Variants in TNRC6B observed in about 807,000 individuals in gnomAD.
TNRC6B encodes the protein trinucleotide repeat-containing gene 6B protein.
A neutral mutation model predicts 203.6 loss-of-function variants in TNRC6B; 52 were observed. That is an observed-to-expected ratio of 0.26 (90% CI 0.20 to 0.32). The LOEUF is 0.32. Ranked by LOEUF, TNRC6B falls within the 10% of genes least tolerant of loss-of-function variation. The probability of loss-of-function intolerance (pLI) is 1.00; values close to 1 mark genes in which losing one functional copy is unlikely to be tolerated. For synonymous variants in TNRC6B, 838 were observed against 845.7 expected, an observed-to-expected ratio of 0.99 and a Z score of 0.16; for missense variants, 1,923 against 2,286.2, an observed-to-expected ratio of 0.84 and a Z score of 3.24.
intron 3 of TNRC6B, among the ~76,000 whole-genome samples, chr22:40,153,060 C>T (rs146113566): frequency 1.3e-5 from 2 of 152,094 alleles, no homozygotes; most frequent in East Asian, 3.9e-4. Flanking sequence ...AAGATCACAC[C>T]ACTTCTCTCC....
At chr22:40,263,332 CGTG>C (rs1235388583) in intron 4 of TNRC6B, among the ~76,000 whole-genome samples, 1 of 152,196 alleles carries the variant, frequency 6.6e-6, no homozygotes, top group Non-Finnish European at 1.5e-5. Flanking sequence ...AAAGAAACCT[CGTG>C]GTGACACAGA....
intron 1 of TNRC6B, among the ~76,000 whole-genome samples, chr22:40,226,049 G>A (rs1004044256): frequency 6.6e-6 from 1 of 152,146 alleles, no homozygotes; most frequent in African/African-American, 2.4e-5. Flanking sequence ...TATAATTTTA[G>A]TTGAAGAATT....
Position 40,262,838 on chromosome 22 carries a change from G to T in TNRC6B, c.457+665G>T, listed in dbSNP as rs11703939. ...GTGGATCACCAGGTCAGGAGATCGAGACCACCCTGGCTAACATGGTGAAAC... is the reference window on the plus strand; with the variant it reads ...GTGGATCACCAGGTCAGGAGATCGATACCACCCTGGCTAACATGGTGAAAC... On this transcript the variant is annotated intron_variant, in intron 4 of 22. Coordinates refer to ENST00000454349, the MANE Select transcript of TNRC6B (RefSeq NM_001162501.2). Among the ~76,000 whole-genome samples the T allele has an allele frequency of 2.0e-5, 3 of 152,182 alleles. No homozygotes were observed. The South Asian group carries it at 6.2e-4, about 32-fold the overall frequency.
intron 1 of TNRC6B, among the ~76,000 whole-genome samples, chr22:40,113,786 C>A: frequency 6.6e-6 from 1 of 152,208 alleles, no homozygotes; most frequent in East Asian, 1.9e-4. Flanking sequence ...AGTCTCCTGG[C>A]ATCCCCCCTT....
intron 12 of TNRC6B, among the ~76,000 whole-genome samples, chr22:40,286,300 G>A (rs766628220): frequency 3.3e-5 from 5 of 152,088 alleles, no homozygotes; most frequent in South Asian, 2.1e-4. Context: ...CCAACATGGC[G>A]AAACCCTGTT....
Position 40,059,819 on chromosome 22 carries a change from T to G in TNRC6B, c.-121+14821T>G, listed in dbSNP as rs567294027. ...CATTGGTCATGATAGAGTTTGGTTT[T>G]TTTTTTTTTTTTTTTTCCCCCCGAG... is the stretch of plus-strand genomic sequence containing the variant. On this transcript the variant is annotated intron_variant, in intron 1 of 23. Transcript: ENST00000301923. 2.3e-3 allele frequency among the ~76,000 whole-genome samples: 333 copies of G among 142,924 alleles called. 1 individual carries two copies. The highest frequency in any genetic ancestry group is 9.6e-3 in the African/African-American group (327 of 33,914). The allele number at this position is 142,924 out of a possible 152,430, so 93.8% of individuals were successfully genotyped here.
chr22:40,294,463 A>G (rs1307817925), intron 12 of TNRC6B, among the ~76,000 whole-genome samples: 3 of 152,190 alleles, frequency 2.0e-5, no homozygotes, highest in Non-Finnish European at 4.4e-5. Flanking sequence ...GGCCCACCCT[A>G]ATTCAGTATG....
chr22:40,140,453 C>A (rs1219123273), intron 3 of TNRC6B, among the ~76,000 whole-genome samples: 1 of 152,186 alleles, frequency 6.6e-6, no homozygotes, highest in East Asian at 1.9e-4. Context: ...CTGGAGCAAC[C>A]ATCTTAAAAC....
intron 3 of TNRC6B, among the ~76,000 whole-genome samples, chr22:40,253,975 C>G (rs2070232130): frequency 6.6e-6 from 1 of 152,092 alleles, no homozygotes; most frequent in South Asian, 2.1e-4. Flanking sequence ...GGTGCCAAGT[C>G]TCTGGTTGTG....
chr22:40,281,271 A>C lies in TNRC6B; in HGVS notation c.3564A>C (p.Gln1188His), dbSNP rs899595357. The C allele has an allele frequency of 1.3e-6, 2 of 1,546,046 alleles. No homozygotes were observed. The highest frequency in any genetic ancestry group is 2.7e-5 in the African/African-American group (2 of 72,800). ...LGAIGTGLNPQNFAARQGGSH... is the reference protein window; with the variant it reads ...LGAIGTGLNPHNFAARQGGSH... ...CAATCGGCACAGGGCTCAACCCCCA[A>C]AACTTCGCTGCTAGACAAGTAAGGA... The change falls in exon 11 of 23, where the codon CAA becomes CAC. Residue 1188 changes from glutamine to histidine, a missense_variant. By Grantham distance (24) the Gln-to-His change is conservative. Coordinates refer to ENST00000454349, the MANE Select transcript of TNRC6B (RefSeq NM_001162501.2).
chr22:40,261,936 G>T lies in TNRC6B; in HGVS notation c.220G>T (p.Ala74Ser), dbSNP rs2065017408. Residue 74 changes from alanine to serine, a missense_variant, in exon 4 of 23, where the codon GCA (alanine) becomes TCA (serine). By Grantham distance (99) the Ala-to-Ser change is moderately conservative. Transcript: ENST00000454349. ...TGGTGGCAACAATGCCAAAAGGGTG[G>T]CAGTGCCGAACGGACAACCGCCAAG... Reference protein sequence around the residue: ...VNGGNNAKRVAVPNGQPPSAA... With the variant: ...VNGGNNAKRVSVPNGQPPSAA... The T allele has an allele frequency of 3.7e-6, 6 of 1,612,514 alleles. No individual in the cohort carries two copies. The highest frequency in any genetic ancestry group is 1.7e-5 in the Admixed American group (1 of 59,998).
chr22:40,104,312 C>T (rs879923495), intron 1 of TNRC6B, among the ~76,000 whole-genome samples: 12 of 152,118 alleles, frequency 7.9e-5, no homozygotes, highest in Non-Finnish European at 1.6e-4. Context: ...AGCCTTATAA[C>T]AAGTAGACAG....
At chr22:40,208,111 C>CAAAAAAAAAAAAAAAAAAA (rs905832467) in intron 1 of TNRC6B, among the ~76,000 whole-genome samples, 18 of 74,896 alleles carry the variant, frequency 2.4e-4, no homozygotes, top group East Asian at 1.4e-3. Flanking sequence ...GACTCCATCT[C>CAAAAAAAAAAAAAAAAAAA]AAAAAAAAAA....
At chr22:40,147,092 T>A (rs1431387172) in intron 3 of TNRC6B, among the ~76,000 whole-genome samples, 2 of 152,214 alleles carry the variant, frequency 1.3e-5, no homozygotes. Flanking sequence ...GGTATATACA[T>A]ACAATGGAAT....
intron 1 of TNRC6B, among the ~76,000 whole-genome samples, chr22:40,207,418 A>AATATATATAT (rs55644816): frequency 3.9e-5 from 5 of 128,878 alleles, no homozygotes; most frequent in Non-Finnish European, 4.8e-5. Flanking sequence ...AAAAAAAAAA[A>AATATATATAT]ATATATATAT....
In TNRC6B at chr22:40,130,779, TAAAAA is replaced by T. The variant is rs200268757; in HGVS notation, c.45+4937_45+4941del. ...GCCTGGGCGACAGGGAGACTCCGTC[TAAAAA>T]AAAAAAAAAAAAAAAAAAATAGTTA... On this transcript the variant is annotated intron_variant, in intron 3 of 23. Coordinates refer to the TNRC6B transcript ENST00000301923. Among the ~76,000 whole-genome samples the T allele has an allele frequency of 4.9e-3, 320 of 65,034 alleles. 4 individuals carry two copies. The highest frequency in any genetic ancestry group is 0.017 in the African/African-American group (264 of 15,244). 42.7% of individuals were successfully genotyped at this position (65,034 alleles called of 152,430 possible).
intron 1 of TNRC6B, among the ~76,000 whole-genome samples, chr22:40,197,111 T>C (rs2069347071): frequency 1.3e-5 from 2 of 152,060 alleles, no homozygotes; most frequent in East Asian, 3.8e-4. Flanking sequence ...ATCCCTGTAT[T>C]ATAAAGTGGA....
chr22:40,158,455 T>C (rs948918800), intron 4 of TNRC6B, among the ~76,000 whole-genome samples: 1 of 152,182 alleles, frequency 6.6e-6, no homozygotes, highest in African/African-American at 2.4e-5. Flanking sequence ...GTGGAAGTTC[T>C]GTACTATAAA....
intron 22 of TNRC6B, 197 bp downstream of exon 22, chr22:40,321,426 A>ACT: frequency 1.8e-6 from 1 of 563,010 alleles, no homozygotes; most frequent in South Asian, 2.8e-5. Context: ...TGTCCTGTAT[A>ACT]TATCAGAGGC....
Sources: allele counts gnomAD v4.1 joint callset (sites outside exome capture counted in the v4.1 genomes callset), GRCh38; gene constraint gnomAD v4.1.1; transcripts MANE v1.5; gene names NCBI Gene and HGNC (gene_info 2026-07-23, HGNC 2026-07-21).